CASQ2: variants seen among roughly 807,000 people sequenced by gnomAD.
CASQ2 encodes the protein calsequestrin-2.
In CASQ2, 49 loss-of-function variants were observed where a neutral mutation model predicts 46.5. That is an observed-to-expected ratio of 1.05 (90% confidence interval 0.84 to 1.34). The LOEUF (loss-of-function observed/expected upper bound fraction) is 1.34, where lower values mean the gene tolerates loss of function less well. CASQ2 is among the 40% of genes most tolerant of loss of function. The pLI is 0.00. For synonymous variants in CASQ2, 174 were observed against 168.5 expected, an observed-to-expected ratio of 1.03 and a Z score of -0.25; for missense variants, 486 against 481.3, an observed-to-expected ratio of 1.01 and a Z score of -0.09.
chr1:115,760,405 G>A (rs1648895940), intron 1 of CASQ2, among the ~76,000 whole-genome samples: 1 of 152,118 alleles, frequency 6.6e-6, no homozygotes, highest in South Asian at 2.1e-4. Context: ...ACTGGTCTGG[G>A]GTCCGCCTTT....
intron 2 of CASQ2, among the ~76,000 whole-genome samples, chr1:115,741,578 T>C (rs1279046068): frequency 6.6e-6 from 1 of 152,204 alleles, no homozygotes; most frequent in Non-Finnish European, 1.5e-5. Context: ...ACAGAGGCTG[T>C]GTACATCAGC....
At chr1:115,728,738 T>C (rs144838615) in intron 5 of CASQ2, among the ~76,000 whole-genome samples, 1 of 152,194 alleles carries the variant, frequency 6.6e-6, no homozygotes, top group African/African-American at 2.4e-5. Flanking sequence ...ATTATCATAG[T>C]TATTTTACAA....
At chr1:115,717,778 TG>T in intron 8 of CASQ2, 61 bp downstream of exon 8, 1 of 1,215,274 alleles carries the variant, frequency 8.2e-7, no homozygotes, top group Non-Finnish European at 1.2e-6. Context: ...AGGTGAGGGC[TG>T]GCAAAGGTGA....
rs1472557102 is a variant in CASQ2 at position 115,744,860 on chromosome 1, G to C, written c.287C>G (p.Ala96Gly). 2 of 1,613,666 alleles carry C rather than the reference G, an allele frequency of 1.2e-6. No individual in the cohort carries two copies. The change falls in exon 2 of 11, where the codon GCC becomes GGC. Residue 96 changes from alanine (A) to glycine (G), a missense_variant. Physicochemically the swap from Ala to Gly is moderately conservative, Grantham distance 60 (BLOSUM62 0). Transcript: ENST00000261448. ...HKAIGFVMVDAKKEAKLAKKL... is the reference protein window; with the variant it reads ...HKAIGFVMVDGKKEAKLAKKL... ...CTTGGCAAGCTTGGCTTCTTTCTTG[G>C]CATCCACCATCACAAAGCCTATAGC...
At chr1:115,718,860 C>T (rs566807035) in intron 7 of CASQ2, among the ~76,000 whole-genome samples, 6 of 152,218 alleles carry the variant, frequency 3.9e-5, no homozygotes, top group African/African-American at 1.4e-4. Flanking sequence ...GGAAGGGGCT[C>T]TGCTATCACA....
At chr1:115,725,423 G>T in intron 7 of CASQ2, 85 bp downstream of exon 7, 1 of 1,493,862 alleles carries the variant, frequency 6.7e-7, no homozygotes, top group Non-Finnish European at 9.3e-7. Context: ...AACTTGGTTT[G>T]AGTTTGGGGA....
intron 8 of CASQ2, among the ~76,000 whole-genome samples, chr1:115,706,496 C>T (rs1423117576): frequency 1.3e-5 from 2 of 152,150 alleles, no homozygotes; most frequent in Non-Finnish European, 2.9e-5. Flanking sequence ...GCCTGGGAAC[C>T]AGAGAGACCC....
intron 4 of CASQ2, among the ~76,000 whole-genome samples, chr1:115,735,473 T>A (rs904816239): frequency 6.6e-6 from 1 of 152,234 alleles, no homozygotes; most frequent in African/African-American, 2.4e-5. Flanking sequence ...TGAATGTACT[T>A]AATTGAAAAT....
intron 8 of CASQ2, 29 bp from the exon 9 acceptor site, chr1:115,705,321 AC>A: frequency 1.4e-6 from 2 of 1,380,468 alleles, no homozygotes; most frequent in South Asian, 2.3e-5. Flanking sequence ...GAGTTGAGTA[AC>A]CCCTGCACAT....
chr1:115,745,484 C>T (rs7527858), intron 1 of CASQ2, among the ~76,000 whole-genome samples: 41,576 of 151,888 alleles, frequency 0.27, 6,094 homozygotes, highest in East Asian at 0.43. Flanking sequence ...GTCAGGGGTT[C>T]GGCTCCAAAG....
Position 115,750,095 on chromosome 1 carries a change from T to A in CASQ2, c.235-5183A>T, listed in dbSNP as rs867801065. ...TGGAGACACTCAGCATACTTGTGGATGAATGGGTGGATTGGTCCAAGTACT... is the reference window on the plus strand; with the variant it reads ...TGGAGACACTCAGCATACTTGTGGAAGAATGGGTGGATTGGTCCAAGTACT... On this transcript the variant is annotated intron_variant, in intron 1 of 10. Transcript: ENST00000261448. Among the ~76,000 whole-genome samples the A allele has an allele frequency of 1.9e-4, 29 of 152,214 alleles. 1 individual carries two copies. The highest frequency in any genetic ancestry group is 6.3e-3 in the Middle Eastern group (2 of 316).
At chr1:115,766,085 G>A (rs953477168) in intron 1 of CASQ2, among the ~76,000 whole-genome samples, 4 of 152,162 alleles carry the variant, frequency 2.6e-5, no homozygotes, top group East Asian at 1.9e-4. Context: ...CTCCTCCTCA[G>A]TTTGCACTTT....
chr1:115,733,023 C>T, intron 4 of CASQ2, 49 bp from the exon 5 acceptor site: 2 of 1,317,502 alleles, frequency 1.5e-6, no homozygotes, highest in South Asian at 1.2e-5. Flanking sequence ...AAGATGAACA[C>T]AGAAGAATCT....
chr1:115,752,962 G>A (rs539484866), intron 1 of CASQ2, among the ~76,000 whole-genome samples: 6 of 152,234 alleles, frequency 3.9e-5, no homozygotes, highest in African/African-American at 1.2e-4. Context: ...AGTCAGACCT[G>A]GTAAGTCTTC....
chr1:115,743,155 G>A (rs1648252339), intron 2 of CASQ2, among the ~76,000 whole-genome samples: 1 of 151,968 alleles, frequency 6.6e-6, no homozygotes, highest in South Asian at 2.1e-4. Flanking sequence ...ATCCCTCAAT[G>A]TGTCTCCAGG....
At chr1:115,746,191 T>C (rs1417144169) in intron 1 of CASQ2, among the ~76,000 whole-genome samples, 1 of 152,000 alleles carries the variant, frequency 6.6e-6, no homozygotes, top group Non-Finnish European at 1.5e-5. Context: ...GTAGAATGTA[T>C]GGTATGAATG....
intron 8 of CASQ2, among the ~76,000 whole-genome samples, chr1:115,716,005 C>T (rs1339774818): frequency 5.3e-5 from 8 of 152,326 alleles, no homozygotes; most frequent in South Asian, 4.1e-4. Context: ...TTCTCCAAAC[C>T]GCTGTTTCCT....
chr1:115,761,926 G>A (rs1648977083), intron 1 of CASQ2, among the ~76,000 whole-genome samples: 1 of 152,200 alleles, frequency 6.6e-6, no homozygotes, highest in Admixed American at 6.5e-5. Context: ...TAGTGGTCCT[G>A]CCATTTAATA....
intron 1 of CASQ2, among the ~76,000 whole-genome samples, chr1:115,745,334 C>A (rs759024883): frequency 2.6e-5 from 4 of 151,724 alleles, no homozygotes; most frequent in Non-Finnish European, 5.9e-5. Context: ...ATAAAGGAGG[C>A]CTATGTCCTC....
Sources: allele counts gnomAD v4.1 joint callset (sites outside exome capture counted in the v4.1 genomes callset), GRCh38; gene constraint gnomAD v4.1.1; transcripts MANE v1.5; gene names NCBI Gene and HGNC (gene_info 2026-07-23, HGNC 2026-07-21).